The following GUCY1A2 variants were observed in gnomAD, a reference collection of about 807,000 sequenced individuals.
GUCY1A2 encodes the protein guanylate cyclase 1 soluble subunit alpha 2, also known as guanylate cyclase soluble subunit alpha-2.
A neutral mutation model predicts 63.5 loss-of-function variants in GUCY1A2; 27 were observed. That is an observed-to-expected ratio of 0.43 (90% CI 0.31 to 0.59). The LOEUF is 0.59. Ranked by LOEUF, GUCY1A2 falls within the 20% of genes least tolerant of loss-of-function variation. The pLI is 0.11. For synonymous variants in GUCY1A2, 364 were observed against 343.5 expected (o/e 1.06, Z -0.66); for missense variants, 768 against 913.3 (o/e 0.84, Z 2.05).
intron 3 of GUCY1A2, among the ~76,000 whole-genome samples, chr11:106,943,278 C>G (rs947862079): frequency 6.6e-6 from 1 of 152,198 alleles, no homozygotes; most frequent in Non-Finnish European, 1.5e-5. Context: ...CCCCTACTTA[C>G]AGTAAATCAT....
At chr11:106,964,098 G>A (rs552614200) in intron 3 of GUCY1A2, among the ~76,000 whole-genome samples, 1 of 151,814 alleles carries the variant, frequency 6.6e-6, no homozygotes, top group Non-Finnish European at 1.5e-5. Flanking sequence ...GTAGGTAGCA[G>A]ACATTATGCC....
At position 106,749,579 on chromosome 11, in the gene GUCY1A2, C is replaced by A. The variant is rs80127759; in HGVS notation, c.1836+26860G>T. ...CCTGGAAGTGAGAAGGAGTTAATGT[C>A]CTTGGAGTGTTAACCAATATAGAAG... On this transcript the variant is annotated intron_variant, in intron 6 of 7. Coordinates refer to ENST00000526355, the MANE Select transcript of GUCY1A2 (RefSeq NM_000855.3). Among the ~76,000 whole-genome samples the A allele has an allele frequency of 1.6e-4, 24 of 152,140 alleles. No individual in the cohort carries two copies. The East Asian group carries it at 4.6e-3, about 29-fold the overall frequency.
At chr11:106,804,153 G>C (rs778857374) in intron 5 of GUCY1A2, among the ~76,000 whole-genome samples, 1 of 152,168 alleles carries the variant, frequency 6.6e-6, no homozygotes, top group Non-Finnish European at 1.5e-5. Flanking sequence ...AATGTTTATT[G>C]AGTGAATGAA....
At chr11:106,832,419 C>A (rs993166589) in intron 4 of GUCY1A2, among the ~76,000 whole-genome samples, 2 of 151,964 alleles carry the variant, frequency 1.3e-5, no homozygotes, top group African/African-American at 4.8e-5. Flanking sequence ...TTAAAATTAT[C>A]ATCTGACTTA....
intron 1 of GUCY1A2, among the ~76,000 whole-genome samples, chr11:107,006,707 A>G (rs1463445878): frequency 6.6e-6 from 1 of 152,218 alleles, no homozygotes; most frequent in Admixed American, 6.5e-5. Context: ...CAAGCACTTG[A>G]TTATCTAAAA....
chr11:106,726,228 G>C (rs953182992), intron 6 of GUCY1A2, among the ~76,000 whole-genome samples: 2 of 151,904 alleles, frequency 1.3e-5, no homozygotes, highest in African/African-American at 4.8e-5. Flanking sequence ...CAGCCTGACC[G>C]ACATGGTAAA....
rs572857510 is a variant in GUCY1A2 at position 106,884,170 on chromosome 11, T to C, written c.1206+55290A>G. Reference sequence around the variant, plus strand: ...ACGTTCTGCACATGTACCCTAGAACTTGGAGTATAACAAAAAAAAGAAAGG... The same window carrying C: ...ACGTTCTGCACATGTACCCTAGAACCTGGAGTATAACAAAAAAAAGAAAGG... On this transcript the variant is annotated intron_variant, in intron 4 of 7. Coordinates refer to ENST00000526355, the MANE Select transcript of GUCY1A2 (RefSeq NM_000855.3). Among the ~76,000 whole-genome samples the C allele has an allele frequency of 2.0e-5, 3 of 152,068 alleles. No individual in the cohort carries two copies. In the East Asian group the frequency reaches 5.8e-4, roughly 29 times the overall value.
In GUCY1A2 at chr11:106,810,341, G is replaced by A. The variant is rs958045428; in HGVS notation, c.1344C>T (p.Ala448=). Reference sequence around the variant, plus strand: ...CACCAACCAAAATGACATCTCGGGTGGCATCATGGATAGGGATGTCTGAGA... The same window carrying A: ...CACCAACCAAAATGACATCTCGGGTAGCATCATGGATAGGGATGTCTGAGA... ...LHLSDIPIHD[A]TRDVILVGEQ... is the part of the protein sequence containing the mutation. Residue 448 remains alanine, a synonymous_variant, in exon 5 of 8, where the codon GCC becomes GCT. Transcript: ENST00000526355. 3 of 1,613,872 alleles carry A rather than the reference G, an allele frequency of 1.9e-6. No homozygotes were observed. The highest frequency in any genetic ancestry group is 1.7e-6 in the Non-Finnish European group (2 of 1,179,914).
intron 4 of GUCY1A2, among the ~76,000 whole-genome samples, chr11:106,886,364 A>G (rs560099420): frequency 6.6e-6 from 1 of 152,250 alleles, no homozygotes; most frequent in South Asian, 2.1e-4. Context: ...GCAGAACAAA[A>G]TGATAAAAGG....
chr11:106,726,302 G>A (rs1397360002), intron 6 of GUCY1A2, among the ~76,000 whole-genome samples: 1 of 152,076 alleles, frequency 6.6e-6, no homozygotes, highest in East Asian at 1.9e-4. Flanking sequence ...TGTAATCCCA[G>A]CTACTTGGGG....
At chr11:106,884,502 G>A (rs1278911041) in intron 4 of GUCY1A2, among the ~76,000 whole-genome samples, 2 of 152,046 alleles carry the variant, frequency 1.3e-5, no homozygotes, top group African/African-American at 4.8e-5. Context: ...GGTGTACAGA[G>A]GAAAGGAAGG....
rs1006692982 is a variant in GUCY1A2 at position 106,917,250 on chromosome 11, C to T, written c.1206+22210G>A. ...AAAGTTAGGGAAAGAGCATTTCAGA[C>T]GAAACAAGCAGCATATTCAAAGGCC... On this transcript the variant is annotated intron_variant, in intron 4 of 7. Transcript: ENST00000526355. Among the ~76,000 whole-genome samples, 14 of 144,720 alleles carry T rather than the reference C, an allele frequency of 9.7e-5. 1 individual carries two copies. The highest frequency in any genetic ancestry group is 2.5e-4 in the African/African-American group (10 of 40,690). The allele number at this position is 144,720 out of a possible 152,430, so 94.9% of individuals were successfully genotyped here. A position where few individuals can be genotyped will look rare whatever the true frequency, so the allele number is the denominator to read the frequency against.
At chr11:106,841,566 C>A (rs925712701) in intron 4 of GUCY1A2, among the ~76,000 whole-genome samples, 3 of 151,792 alleles carry the variant, frequency 2.0e-5, no homozygotes, top group Admixed American at 6.6e-5. Flanking sequence ...ATGTTTTTGC[C>A]CTTCAACCAA....
chr11:106,858,431 A>G (rs1859466151), intron 4 of GUCY1A2, among the ~76,000 whole-genome samples: 1 of 152,142 alleles, frequency 6.6e-6, no homozygotes. Context: ...GAGTTATATC[A>G]TTTAATCTTC....
chr11:106,865,811 T>TAAA (rs1859584486), intron 4 of GUCY1A2, among the ~76,000 whole-genome samples: 1 of 151,442 alleles, frequency 6.6e-6, no homozygotes, highest in African/African-American at 2.4e-5. Flanking sequence ...ATAATAATAA[T>TAAA]AAAAAGAAAC....
chr11:106,714,796 G>GT (rs1238414654), intron 6 of GUCY1A2, among the ~76,000 whole-genome samples: 1 of 152,082 alleles, frequency 6.6e-6, no homozygotes, highest in Non-Finnish European at 1.5e-5. Flanking sequence ...AGAAATTCCT[G>GT]TAACAGCTCC....
intron 4 of GUCY1A2, among the ~76,000 whole-genome samples, chr11:106,863,448 T>C (rs943045172): frequency 3.3e-5 from 5 of 152,202 alleles, no homozygotes; most frequent in African/African-American, 1.2e-4. Flanking sequence ...CAGATGGTTG[T>C]AGATGTGTGG....
chr11:106,941,378 G>C (rs922027236), intron 3 of GUCY1A2, among the ~76,000 whole-genome samples: 5 of 152,120 alleles, frequency 3.3e-5, no homozygotes, highest in African/African-American at 1.2e-4. Context: ...GGAAAAATGA[G>C]GGAATTTATG....
At position 106,915,804 on chromosome 11, in the gene GUCY1A2, C is replaced by T. The variant is rs1860362650; in HGVS notation, c.1206+23656G>A. ...TATTTGTGCATTTTAAATCTCATAA[C>T]TGCTTGTTGGAAAGGCATTTGAGCA... On this transcript the variant is annotated intron_variant, in intron 4 of 7. Coordinates refer to ENST00000526355, the MANE Select transcript of GUCY1A2 (RefSeq NM_000855.3). Among the ~76,000 whole-genome samples the T allele has an allele frequency of 2.8e-5, 4 of 145,228 alleles. 1 individual carries two copies. The highest frequency in any genetic ancestry group is 4.9e-5 in the African/African-American group (2 of 40,886).
Sources: gnomAD v4.1 joint callset for allele counts (sites outside exome capture counted in the v4.1 genomes callset) on GRCh38, gnomAD v4.1.1 for gene constraint, MANE v1.5 for transcripts, NCBI Gene and HGNC (gene_info 2026-07-23, HGNC 2026-07-21) for gene names.